The following FAM163A variants were observed in gnomAD, a reference collection of about 807,000 sequenced individuals.
The protein encoded by FAM163A is family with sequence similarity 163 member A, also known as protein FAM163A.
FAM163A carries 7 observed loss-of-function variants against 12.0 expected under a neutral mutation model. That is an observed-to-expected ratio of 0.58 (90% CI 0.33 to 1.10). The LOEUF is 1.10. FAM163A is among the 50% of genes least tolerant of loss of function. The pLI is 0.03. For missense variants in FAM163A, 202 were observed against 218.6 expected (o/e 0.92, Z 0.48); for synonymous variants, 101 against 91.0 (o/e 1.11, Z -0.62).
At chr1:179,788,901 G>A (rs558409582) in intron 1 of FAM163A, among the ~76,000 whole-genome samples, 23 of 152,268 alleles carry the variant, frequency 1.5e-4, no homozygotes, top group Admixed American at 1.2e-3. Flanking sequence ...AATTGCCGCC[G>A]TCTATGTGCA....
intron 1 of FAM163A, among the ~76,000 whole-genome samples, chr1:179,770,458 C>A (rs1444276073): frequency 6.6e-6 from 1 of 152,130 alleles, no homozygotes; most frequent in Non-Finnish European, 1.5e-5. Flanking sequence ...ACAAGAAAGC[C>A]TTCCCATTGC....
At chr1:179,771,499 TC>T (rs1480573836) in intron 1 of FAM163A, among the ~76,000 whole-genome samples, 3 of 152,136 alleles carry the variant, frequency 2.0e-5, no homozygotes, top group Admixed American at 6.5e-5. Flanking sequence ...CCTCACCCTC[TC>T]TTTCCTCATT....
At chr1:179,769,900 CTTTTTTTT>C (rs1196869449) in intron 1 of FAM163A, among the ~76,000 whole-genome samples, 2 of 97,130 alleles carry the variant, frequency 2.1e-5, no homozygotes, top group Admixed American at 1.3e-4. Flanking sequence ...ATCCCTAATT[CTTTTTTTT>C]TTTTTTTTTT....
At chr1:179,776,710 C>T (rs533346392) in intron 1 of FAM163A, among the ~76,000 whole-genome samples, 50 of 152,170 alleles carry the variant, frequency 3.3e-4, no homozygotes, top group Middle Eastern at 3.4e-3. Flanking sequence ...GATGATTTTC[C>T]CTGTTTAATC....
chr1:179,743,589 CCT>C (rs1212979203), intron 1 of FAM163A, among the ~76,000 whole-genome samples, 166 bp downstream of exon 1: 1 of 152,132 alleles, frequency 6.6e-6, no homozygotes, highest in Non-Finnish European at 1.5e-5. Context: ...CGGCTGCCTC[CCT>C]CTGCCCACCG....
chr1:179,792,321 G>GTGTC (rs1691626787), intron 1 of FAM163A, among the ~76,000 whole-genome samples: 1 of 150,976 alleles, frequency 6.6e-6, no homozygotes, highest in Non-Finnish European at 1.5e-5. Flanking sequence ...GTGTGTGTGT[G>GTGTC]TGTGTGGAGA....
At chr1:179,782,165 C>G (rs950610134) in intron 1 of FAM163A, among the ~76,000 whole-genome samples, 2 of 152,062 alleles carry the variant, frequency 1.3e-5, no homozygotes, top group Admixed American at 6.5e-5. Context: ...GCATGCCGGA[C>G]AAGGACCAGG....
rs752010576 is a variant in FAM163A, at chr1:179,814,872, T to C, written c.*683T>C. ...TGACTTTAAAGCCTAAGGTGGCTTG[T>C]GGGGACTGCACCAGAAAGTGTCTAA... On this transcript the variant is annotated 3_prime_UTR_variant, in exon 5 of 5. Coordinates refer to ENST00000341785, the MANE Select transcript of FAM163A (RefSeq NM_173509.3). The C allele has an allele frequency of 6.6e-6, 1 of 152,232 alleles. No homozygotes were observed. Among genetic ancestry groups the C allele is most frequent in the Non-Finnish European group, 1.5e-5 (1 of 68,054 alleles). The allele number at this position is 152,232 out of a possible 1,614,324, so 9.4% of individuals were successfully genotyped here.
At chr1:179,769,174 C>T (rs867414341) in intron 1 of FAM163A, among the ~76,000 whole-genome samples, 1 of 152,122 alleles carries the variant, frequency 6.6e-6, no homozygotes, top group African/African-American at 2.4e-5. Flanking sequence ...GAGACAAGAT[C>T]TCGCTCTCTC....
At chr1:179,791,804 C>A (rs1241122653) in intron 1 of FAM163A, among the ~76,000 whole-genome samples, 2 of 152,178 alleles carry the variant, frequency 1.3e-5, no homozygotes, top group Non-Finnish European at 2.9e-5. Context: ...ATTCCAACCA[C>A]CTAGCCAAGC....
chr1:179,750,355 G>A (rs1347431500), intron 1 of FAM163A, among the ~76,000 whole-genome samples: 6 of 152,192 alleles, frequency 3.9e-5, no homozygotes, highest in African/African-American at 1.4e-4. Flanking sequence ...CTATAAAGTG[G>A]AGGTGCATGG....
intron 1 of FAM163A, among the ~76,000 whole-genome samples, chr1:179,760,167 C>T (rs1424468560): frequency 1.3e-5 from 2 of 152,080 alleles, no homozygotes; most frequent in African/African-American, 4.8e-5. Context: ...AGGAGTTGGA[C>T]GGTTATGGAT....
rs1358315089 is a variant in FAM163A at position 179,800,921 on chromosome 1, A to G, written c.-135-6877A>G. 3.3e-5 allele frequency among the ~76,000 whole-genome samples: 5 copies of G among 152,242 alleles called. No homozygotes were observed. In the South Asian group the frequency reaches 6.2e-4, roughly 19 times the overall value. ...CATGCATTAGCTCAGGCATAACTCA[A>G]ATATGAGCTGGGGTCACACGTTCTG... On this transcript the variant is annotated intron_variant, in intron 1 of 4. Transcript: ENST00000341785.
intron 1 of FAM163A, among the ~76,000 whole-genome samples, chr1:179,779,348 A>G (rs78559873): frequency 0.033 from 5,021 of 152,278 alleles, 265 homozygotes; most frequent in African/African-American, 0.11. Flanking sequence ...TGAATGAAGC[A>G]GGCTGCAGCA....
upstream of FAM163A, among the ~76,000 whole-genome samples, chr1:179,739,016 A>T (rs1216421514): frequency 2.0e-5 from 3 of 152,190 alleles, no homozygotes; most frequent in Non-Finnish European, 4.4e-5. Context: ...ATAAACCCAC[A>T]CAACTATGCC....
At chr1:179,809,538 A>T (rs1010776304) in intron 2 of FAM163A, among the ~76,000 whole-genome samples, 5 of 152,196 alleles carry the variant, frequency 3.3e-5, no homozygotes, top group Admixed American at 6.5e-5. Context: ...AGCTCTGCCC[A>T]CACTGCCATG....
At chr1:179,750,075 G>A (rs368349803) in intron 1 of FAM163A, among the ~76,000 whole-genome samples, 6 of 152,116 alleles carry the variant, frequency 3.9e-5, no homozygotes, top group South Asian at 2.1e-4. Context: ...CCACAGAAGC[G>A]CAGTTTTGGC....
At chr1:179,794,187 G>C (rs905310193) in intron 1 of FAM163A, among the ~76,000 whole-genome samples, 3 of 152,218 alleles carry the variant, frequency 2.0e-5, no homozygotes, top group Non-Finnish European at 4.4e-5. Flanking sequence ...CATCAATTCA[G>C]GGGCCTGTCT....
chr1:179,755,980 A>G (rs1483817910), intron 1 of FAM163A, among the ~76,000 whole-genome samples: 1 of 152,232 alleles, frequency 6.6e-6, no homozygotes, highest in Non-Finnish European at 1.5e-5. Flanking sequence ...CCTTTACCCC[A>G]GGTGCTGATA....
Sources: gnomAD v4.1 joint callset for allele counts (sites outside exome capture counted in the v4.1 genomes callset) on GRCh38, gnomAD v4.1.1 for gene constraint, MANE v1.5 for transcripts, NCBI Gene and HGNC (gene_info 2026-07-23, HGNC 2026-07-21) for gene names.